The following MAPK4 variants were observed in gnomAD, a reference collection of about 807,000 sequenced individuals.
MAPK4 encodes mitogen-activated protein kinase 4.
A neutral mutation model predicts 47.7 loss-of-function variants in MAPK4; 22 were observed. The observed-to-expected ratio is 0.46, with a 90% CI of 0.33 to 0.66. MAPK4 has a LOEUF of 0.66. Ranked by LOEUF, MAPK4 falls within the 30% of genes least tolerant of loss-of-function variation. The pLI is 0.02. For missense variants in MAPK4, 736 were observed against 831.7 expected, an observed-to-expected ratio of 0.88 and a Z score of 1.42; for synonymous variants, 390 against 365.7, an observed-to-expected ratio of 1.07 and a Z score of -0.76.
Position 50,695,015 on chromosome 18 carries a change from G to A in MAPK4, c.547-20064G>A, listed in dbSNP as rs114463389. On this transcript the variant is annotated intron_variant, in intron 2 of 5. Transcript: ENST00000400384. ...TTTATTATTATTACTGTTGCTCTCT[G>A]CCTGTCAGAAGCTGATGATTGAACC... 5.4e-3 allele frequency among the ~76,000 whole-genome samples: 818 copies of A among 152,254 alleles called. 5 individuals are homozygous for A. Among genetic ancestry groups the A allele is most frequent in the African/African-American group, 0.018 (757 of 41,546 alleles).
At chr18:50,593,930 G>A (rs2042459760) in intron 1 of MAPK4, among the ~76,000 whole-genome samples, 1 of 152,186 alleles carries the variant, frequency 6.6e-6, no homozygotes, top group South Asian at 2.1e-4. Flanking sequence ...CTGTCTGCAA[G>A]GTGTGGAAGA....
chr18:50,570,932 G>GT (rs1169369950), intron 1 of MAPK4, among the ~76,000 whole-genome samples: 2 of 152,158 alleles, frequency 1.3e-5, no homozygotes, highest in Non-Finnish European at 2.9e-5. Flanking sequence ...GGGTGTGGGA[G>GT]TGGGGTGGTG....
intron 1 of MAPK4, among the ~76,000 whole-genome samples, chr18:50,609,457 C>T (rs550057717): frequency 2.6e-5 from 4 of 151,948 alleles, no homozygotes; most frequent in East Asian, 3.9e-4. Context: ...AACTGAGGCT[C>T]ATGTAGGTAA....
At chr18:50,566,258 A>T (rs891784355) in intron 1 of MAPK4, among the ~76,000 whole-genome samples, 3 of 152,192 alleles carry the variant, frequency 2.0e-5, no homozygotes, top group Admixed American at 1.3e-4. Flanking sequence ...ATTTGTATAA[A>T]TTTTTCGAGT....
intron 2 of MAPK4, among the ~76,000 whole-genome samples, chr18:50,666,005 A>G (rs1907582248): frequency 6.6e-6 from 1 of 152,240 alleles, no homozygotes; most frequent in South Asian, 2.1e-4. Flanking sequence ...ATCTGTTCTT[A>G]CTTGGTAAAA....
intron 2 of MAPK4, among the ~76,000 whole-genome samples, chr18:50,675,524 A>T (rs1453338266): frequency 4.7e-5 from 7 of 148,674 alleles, no homozygotes; most frequent in African/African-American, 1.7e-4. Context: ...ACAGGGTTTC[A>T]CTCTGTTGCC....
chr18:50,683,114 A>T (rs1226694075), intron 2 of MAPK4, among the ~76,000 whole-genome samples: 1 of 150,990 alleles, frequency 6.6e-6, no homozygotes, highest in Non-Finnish European at 1.5e-5. Context: ...GAGGATGATG[A>T]ATATGTTCTT....
In MAPK4 at chr18:50,569,772, T is replaced by C. The variant is rs530857536; in HGVS notation, c.-871+9529T>C. 8.1e-4 allele frequency among the ~76,000 whole-genome samples: 124 copies of C among 152,232 alleles called. 2 individuals carry two copies. The highest frequency in any genetic ancestry group is 1.6e-4 in the Non-Finnish European group (11 of 68,044). On this transcript the variant is annotated intron_variant, in intron 1 of 5. Coordinates refer to ENST00000400384, the MANE Select transcript of MAPK4 (RefSeq NM_002747.4). ...GAGCTCTTTGGGGTCCTACTCTAAA[T>C]GTAAAGCGGTTTACCAGGCCTCAGG...
chr18:50,700,299 G>T (rs1388422581), intron 2 of MAPK4, among the ~76,000 whole-genome samples: 1 of 152,108 alleles, frequency 6.6e-6, no homozygotes, highest in Non-Finnish European at 1.5e-5. Context: ...CAGGAACTGA[G>T]AATAAAGACC....
chr18:50,686,984 T>C (rs1378345949), intron 2 of MAPK4, among the ~76,000 whole-genome samples: 2 of 152,220 alleles, frequency 1.3e-5, no homozygotes, highest in Non-Finnish European at 2.9e-5. Context: ...TCTATACATA[T>C]ATAACAGCTT....
intron 2 of MAPK4, among the ~76,000 whole-genome samples, chr18:50,667,953 A>G (rs115178244): frequency 0.01 from 1,529 of 152,242 alleles, 29 homozygotes; most frequent in African/African-American, 0.035. Flanking sequence ...AGTCATATTA[A>G]TAAGTCCGTG....
rs752810509 is a variant in MAPK4, at chr18:50,729,659, C to A, written c.1569C>A (p.Pro523=). Residue 523 remains proline, a synonymous_variant, in exon 6 of 6, where the codon CCC becomes CCA. Coordinates refer to ENST00000400384, the MANE Select transcript of MAPK4 (RefSeq NM_002747.4). The part of the protein sequence containing the change: ...DPERRLSASP[P]GRPAPVDGGA... ...AGCGCCGCTTGTCTGCCTCGCCCCC[C>A]GGCCGCCCGGCCCCGGTGGACGGCG... 2.6e-6 allele frequency: 4 copies of A among 1,522,354 alleles called. 1 individual carries two copies. The highest frequency in any genetic ancestry group is 3.4e-4 in the Middle Eastern group (2 of 5,864). 94.3% of individuals were successfully genotyped at this position (1,522,354 alleles called of 1,614,324 possible).
At chr18:50,573,480 G>T (rs1156909710) in intron 1 of MAPK4, among the ~76,000 whole-genome samples, 5 of 152,210 alleles carry the variant, frequency 3.3e-5, no homozygotes, top group Admixed American at 6.5e-5. Flanking sequence ...AACTGCACAT[G>T]TGGGGGATCT....
intron 2 of MAPK4, among the ~76,000 whole-genome samples, chr18:50,699,467 A>G (rs937430574): frequency 1.3e-5 from 2 of 152,256 alleles, no homozygotes; most frequent in African/African-American, 2.4e-5. Flanking sequence ...TGACTTAATA[A>G]AAAGACTTTA....
At chr18:50,592,828 G>A (rs2042449683) in intron 1 of MAPK4, among the ~76,000 whole-genome samples, 2 of 152,138 alleles carry the variant, frequency 1.3e-5, no homozygotes. Flanking sequence ...AATGCAGGTA[G>A]GTACCCAAAT....
At position 50,726,246 on chromosome 18, in the gene MAPK4, C is replaced by T. The variant is rs1008934256; in HGVS notation, c.1067+71C>T. On this transcript the variant is annotated intron_variant, in intron 5 of 5. Coordinates refer to ENST00000400384, the MANE Select transcript of MAPK4 (RefSeq NM_002747.4). ...CATCTCTATTTTGCCTCTAATCCTCCGTGACCTTCCCCTCTGTCTCCCAAG... is the reference window on the plus strand; with the variant it reads ...CATCTCTATTTTGCCTCTAATCCTCTGTGACCTTCCCCTCTGTCTCCCAAG... 1.3e-5 allele frequency: 19 copies of T among 1,431,184 alleles called. No individual in the cohort carries two copies. In the East Asian group the frequency reaches 1.6e-4, roughly 12 times the overall value. 88.7% of individuals were successfully genotyped at this position (1,431,184 alleles called of 1,614,324 possible). A position where few individuals can be genotyped will look rare whatever the true frequency, so the allele number is the denominator to read the frequency against.
At chr18:50,632,616 ATTTTTTT>A (rs10531891) in intron 1 of MAPK4, among the ~76,000 whole-genome samples, 1 of 122,330 alleles carries the variant, frequency 8.2e-6, no homozygotes, top group African/African-American at 3.2e-5. Context: ...GTCTGGTTTA[ATTTTTTT>A]TTTTTTTTTT....
intron 1 of MAPK4, among the ~76,000 whole-genome samples, chr18:50,587,249 G>T (rs1025335775): frequency 6.6e-6 from 1 of 152,116 alleles, no homozygotes; most frequent in Non-Finnish European, 1.5e-5. Flanking sequence ...TGGGATTCGT[G>T]CCCTTATAAG....
rs1051891821 is a variant in MAPK4 at position 50,678,177 on chromosome 18, C to T, written c.546+13673C>T. Among the ~76,000 whole-genome samples the T allele has an allele frequency of 1.3e-5, 2 of 151,994 alleles. No individual in the cohort carries two copies. Among genetic ancestry groups the T allele is most frequent in the Non-Finnish European group, 2.9e-5 (2 of 68,022 alleles). ...TGTATTAGTTTCTCTTCTAAGATAC[C>T]GATAAAGGGAGTGAAGATGAGTGGG... On this transcript the variant is annotated intron_variant, in intron 2 of 5. Coordinates refer to ENST00000400384, the MANE Select transcript of MAPK4 (RefSeq NM_002747.4). This position sits in a 1 kb window ranked among gnomAD's most constrained non-coding sequence, Gnocchi z 4.2.
Sources: allele counts gnomAD v4.1 joint callset (sites outside exome capture counted in the v4.1 genomes callset), GRCh38; gene constraint gnomAD v4.1.1; non-coding constraint Gnocchi (gnomAD v3.1); transcripts MANE v1.5; gene names NCBI Gene and HGNC (gene_info 2026-07-23, HGNC 2026-07-21).